RYR2: variants seen among roughly 807,000 people sequenced by gnomAD.
The protein encoded by RYR2 is ryanodine receptor 2, also known as cardiac muscle ryanodine receptor-calcium release channel.
Under a neutral mutation model 601.1 loss-of-function variants are expected in RYR2, and 227 were observed. The observed-to-expected ratio is 0.38, with a 90% confidence interval of 0.34 to 0.42. The LOEUF (loss-of-function observed/expected upper bound fraction) is 0.42. Among genes scored for constraint, RYR2 ranks in the 10% least tolerant of loss-of-function variants. The pLI is 1.00. For missense variants in RYR2, 4,646 were observed against 6,156.5 expected (o/e 0.75, Z 8.21); for synonymous variants, 2,223 against 2,175.1 (o/e 1.02, Z -0.61).
rs574064585 is a variant in RYR2 at position 237,420,748 on chromosome 1, T to C, written c.849-2344T>C. 2.6e-5 allele frequency among the ~76,000 whole-genome samples: 4 copies of C among 152,316 alleles called. No individual in the cohort carries two copies. In the South Asian group the frequency reaches 8.3e-4, roughly 32 times the overall value. ...AGCCCAGAACATCTTCCAGATACGC[T>C]AGCAAATAGTATATATCTGGTTAAA... On this transcript the variant is annotated intron_variant, in intron 11 of 104. Transcript: ENST00000366574.
intron 24 of RYR2, among the ~76,000 whole-genome samples, chr1:237,519,596 T>C (rs1383733161): frequency 6.6e-6 from 1 of 152,138 alleles, no homozygotes; most frequent in Non-Finnish European, 1.5e-5. Flanking sequence ...TGGCTGTAAG[T>C]ATGTAGCTTT....
At chr1:237,410,618 T>C (rs991317225) in intron 10 of RYR2, among the ~76,000 whole-genome samples, 1 of 152,190 alleles carries the variant, frequency 6.6e-6, no homozygotes, top group African/African-American at 2.4e-5. Flanking sequence ...AATAACAGAA[T>C]TAAATAATGA....
chr1:237,669,694 G>A (rs180985587), intron 58 of RYR2, among the ~76,000 whole-genome samples: 2,372 of 151,284 alleles, frequency 0.016, 42 homozygotes, highest in African/African-American at 0.054. Context: ...GAGGATGGGC[G>A]GCCGGGCAGA....
chr1:237,250,529 T>G (rs1572359853), intron 1 of RYR2, among the ~76,000 whole-genome samples: 1 of 152,332 alleles, frequency 6.6e-6, no homozygotes, highest in East Asian at 1.9e-4. Context: ...TAATCTCAAG[T>G]GTGTCCTGGC....
intron 84 of RYR2, among the ~76,000 whole-genome samples, chr1:237,768,712 T>A (rs1379089985): frequency 6.6e-6 from 1 of 151,934 alleles, no homozygotes; most frequent in Non-Finnish European, 1.5e-5. Flanking sequence ...CATAAAGCCA[T>A]CATCCATCTC....
intron 2 of RYR2, among the ~76,000 whole-genome samples, chr1:237,271,503 G>A (rs1228872262): frequency 6.6e-6 from 1 of 152,086 alleles, no homozygotes; most frequent in African/African-American, 2.4e-5. Context: ...CTATATTTCA[G>A]AAATTAGAAG....
intron 84 of RYR2, among the ~76,000 whole-genome samples, chr1:237,766,672 G>A (rs984176400): frequency 6.6e-6 from 1 of 152,206 alleles, no homozygotes; most frequent in African/African-American, 2.4e-5. Flanking sequence ...AGTCTTGACA[G>A]CTGAGAAGCT....
chr1:237,478,791 C>T (rs549081272), intron 17 of RYR2, among the ~76,000 whole-genome samples: 151 of 53,130 alleles, frequency 2.8e-3, no homozygotes, highest in African/African-American at 0.022. Context: ...CCTTAAGGGA[C>T]CCCCCTACCC....
intron 61 of RYR2, among the ~76,000 whole-genome samples, chr1:237,679,948 A>T (rs1328811966): frequency 6.6e-6 from 1 of 152,188 alleles, no homozygotes; most frequent in African/African-American, 2.4e-5. Context: ...AGAAATGGAA[A>T]GTGCACTTTA....
In RYR2 at chr1:237,042,360, C is replaced by T. The variant is rs2148059618; in HGVS notation, c.-162C>T. The T allele has an allele frequency of 1.8e-6, 1 of 569,696 alleles. No individual in the cohort carries two copies. Among genetic ancestry groups the T allele is most frequent in the South Asian group, 8.7e-5 (1 of 11,530 alleles). 35.3% of individuals were successfully genotyped at this position (569,696 alleles called of 1,614,324 possible). On this transcript the variant is annotated 5_prime_UTR_variant, in exon 1 of 105. Coordinates refer to ENST00000366574, the MANE Select transcript of RYR2 (RefSeq NM_001035.3). ...CGCCCGAGCGTCCGCGCCTCCTCCTCCGCTCTGCAGGCGGGGACCGCCCGG... is the reference window on the plus strand; with the variant it reads ...CGCCCGAGCGTCCGCGCCTCCTCCTTCGCTCTGCAGGCGGGGACCGCCCGG...
intron 2 of RYR2, among the ~76,000 whole-genome samples, chr1:237,308,498 T>G (rs974146895): frequency 3.3e-5 from 5 of 152,192 alleles, no homozygotes; most frequent in African/African-American, 9.7e-5. Context: ...CTGGAATTGG[T>G]GGGTTCTTGG....
chr1:237,638,566 G>A (rs1681115465), intron 45 of RYR2, 74 bp downstream of exon 45: 2 of 1,473,568 alleles, frequency 1.4e-6, no homozygotes, highest in Admixed American at 2.0e-5. Flanking sequence ...ATTCATCTCA[G>A]CACTTTCATG....
intron 1 of RYR2, among the ~76,000 whole-genome samples, chr1:237,086,916 G>A (rs990391901): frequency 3.3e-5 from 5 of 152,278 alleles, no homozygotes; most frequent in East Asian, 1.9e-4. Flanking sequence ...TGCTATCCCC[G>A]GAGGAACATG....
intron 1 of RYR2, among the ~76,000 whole-genome samples, chr1:237,193,868 T>C (rs1680276528): frequency 6.6e-6 from 1 of 152,224 alleles, no homozygotes; most frequent in East Asian, 1.9e-4. Flanking sequence ...GTCACTTTTT[T>C]TCCTCACTGC....
At chr1:237,393,711 C>T (rs145391912) in intron 10 of RYR2, among the ~76,000 whole-genome samples, 53 of 152,290 alleles carry the variant, frequency 3.5e-4, no homozygotes, top group African/African-American at 1.1e-3. Flanking sequence ...ATAGTCAGTA[C>T]ATAAAGGAGA....
At chr1:237,430,188 A>C (rs1706657912) in intron 12 of RYR2, among the ~76,000 whole-genome samples, 1 of 150,580 alleles carries the variant, frequency 6.6e-6, no homozygotes, top group Non-Finnish European at 1.5e-5. Context: ...TTTATATGTT[A>C]TATCCATAAC....
At chr1:237,184,974 A>G (rs772194528) in intron 1 of RYR2, among the ~76,000 whole-genome samples, 3 of 151,770 alleles carry the variant, frequency 2.0e-5, no homozygotes, top group Non-Finnish European at 4.4e-5. Context: ...GGCTCAAGCA[A>G]TCCTCCTGCC....
chr1:237,582,267 TAA>T (rs1488384963), intron 29 of RYR2, among the ~76,000 whole-genome samples: 1 of 106,362 alleles, frequency 9.4e-6, no homozygotes, highest in African/African-American at 3.4e-5. Flanking sequence ...CACACCCAGA[TAA>T]TTTTTTTTTT....
chr1:237,648,376 G>A, intron 48 of RYR2, 68 bp from the exon 49 acceptor site: 1 of 1,297,002 alleles, frequency 7.7e-7, no homozygotes, highest in Non-Finnish European at 1.0e-6. Flanking sequence ...AGTCTAGAAA[G>A]CAGCCATTTG....
Sources: allele counts gnomAD v4.1 joint callset (sites outside exome capture counted in the v4.1 genomes callset), GRCh38; gene constraint gnomAD v4.1.1; transcripts MANE v1.5; gene names NCBI Gene and HGNC (gene_info 2026-07-23, HGNC 2026-07-21).